Variants in PDE3B observed in about 807,000 individuals in gnomAD.
The protein encoded by PDE3B is phosphodiesterase 3B, also known as cGMP-inhibited 3',5'-cyclic phosphodiesterase 3B.
A neutral mutation model predicts 116.8 loss-of-function variants in PDE3B; 66 were observed. The observed-to-expected ratio is 0.56, with a 90% confidence interval of 0.46 to 0.69. PDE3B has a LOEUF of 0.69. Ranked by LOEUF, PDE3B falls within the 30% of genes least tolerant of loss-of-function variation. The pLI is 0.00. For synonymous variants in PDE3B, 595 were observed against 533.6 expected, an observed-to-expected ratio of 1.12 and a Z score of -1.59; for missense variants, 1,384 against 1,368.1, an observed-to-expected ratio of 1.01 and a Z score of -0.18.
intron 1 of PDE3B, among the ~76,000 whole-genome samples, chr11:14,755,155 G>A (rs1413736665): frequency 1.3e-5 from 2 of 152,190 alleles, no homozygotes; most frequent in Non-Finnish European, 1.5e-5. Context: ...GACAATGAAT[G>A]TTGTTTGAGT....
chr11:14,677,207 T>G (rs376673536), intron 1 of PDE3B, among the ~76,000 whole-genome samples: 25 of 152,310 alleles, frequency 1.6e-4, no homozygotes, highest in East Asian at 1.5e-3. Flanking sequence ...GGCACTTATC[T>G]TGTTGTATTT....
intron 5 of PDE3B, among the ~76,000 whole-genome samples, chr11:14,810,047 A>G (rs1391957836): frequency 6.6e-6 from 1 of 152,200 alleles, no homozygotes; most frequent in Non-Finnish European, 1.5e-5. Flanking sequence ...CAGATTGGCT[A>G]CAATTTAGGT....
chr11:14,744,139 A>G (rs926723246), intron 1 of PDE3B, among the ~76,000 whole-genome samples: 45 of 152,168 alleles, frequency 3.0e-4, no homozygotes, highest in Non-Finnish European at 8.8e-5. Flanking sequence ...ATTGATCTAC[A>G]TGTCTGTCTT....
intron 1 of PDE3B, among the ~76,000 whole-genome samples, chr11:14,695,563 G>T (rs879499162): frequency 2.6e-4 from 39 of 152,006 alleles, no homozygotes; most frequent in Non-Finnish European, 5.3e-4. Context: ...AGGATGTGCA[G>T]GTTACATAGA....
chr11:14,711,666 C>G (rs763804815), intron 1 of PDE3B, among the ~76,000 whole-genome samples: 2 of 152,116 alleles, frequency 1.3e-5, no homozygotes, highest in Non-Finnish European at 2.9e-5. Flanking sequence ...ATGAGGAACC[C>G]GCCCCCATGA....
chr11:14,751,432 G>A (rs957693690), intron 1 of PDE3B, among the ~76,000 whole-genome samples: 1 of 152,062 alleles, frequency 6.6e-6, no homozygotes, highest in African/African-American at 2.4e-5. Context: ...TGGCAAAAAA[G>A]GAAATTGTCA....
chr11:14,859,626 GTTTC>G (rs1847911064), intron 13 of PDE3B, among the ~76,000 whole-genome samples: 1 of 152,122 alleles, frequency 6.6e-6, no homozygotes, highest in Non-Finnish European at 1.5e-5. Flanking sequence ...AACTTTATGT[GTTTC>G]TTAAGAATCC....
intron 1 of PDE3B, among the ~76,000 whole-genome samples, chr11:14,769,145 G>A (rs1857569525): frequency 1.3e-5 from 2 of 151,490 alleles, no homozygotes; most frequent in South Asian, 4.1e-4. Context: ...AGCCAATCTA[G>A]CAAGCACAAG....
chr11:14,682,311 T>G (rs566205617), intron 1 of PDE3B, among the ~76,000 whole-genome samples: 127 of 152,354 alleles, frequency 8.3e-4, no homozygotes, highest in African/African-American at 2.7e-3. Flanking sequence ...TTTGATTTCT[T>G]TCTTTCTAAT....
At chr11:14,820,910 C>T (rs929190753) in intron 7 of PDE3B, among the ~76,000 whole-genome samples, 3 of 152,168 alleles carry the variant, frequency 2.0e-5, no homozygotes, top group Admixed American at 1.3e-4. Flanking sequence ...CCAATTATAG[C>T]AGCCTGAACT....
intron 13 of PDE3B, among the ~76,000 whole-genome samples, chr11:14,859,683 A>G (rs1555006769): frequency 6.6e-6 from 1 of 152,204 alleles, no homozygotes. Context: ...TACCTTCTTT[A>G]TATTAGTGAT....
intron 5 of PDE3B, among the ~76,000 whole-genome samples, chr11:14,805,410 A>G (rs1481043734): frequency 1.3e-5 from 2 of 152,250 alleles, no homozygotes; most frequent in Non-Finnish European, 2.9e-5. Flanking sequence ...TGAAAAATTA[A>G]ATAGGAATAA....
At chr11:14,884,804 CT>C in the PDE3B span, among the ~76,000 whole-genome samples, 1 of 152,134 alleles carries the variant, frequency 6.6e-6, no homozygotes, top group East Asian at 1.9e-4. Flanking sequence ...AAATTTACAG[CT>C]TTGAAAAATA....
intron 1 of PDE3B, among the ~76,000 whole-genome samples, chr11:14,729,428 A>G (rs1043055216): frequency 1.3e-5 from 2 of 152,230 alleles, no homozygotes; most frequent in Admixed American, 1.3e-4. Context: ...GGCTAGTTGC[A>G]GTTTCTCAAA....
chr11:14,833,017 C>T (rs1249116074), intron 10 of PDE3B, among the ~76,000 whole-genome samples, 184 bp downstream of exon 10: 2 of 151,450 alleles, frequency 1.3e-5, no homozygotes, highest in African/African-American at 2.4e-5. Flanking sequence ...ATGGCGCGAT[C>T]TTGGCCCACT....
chr11:14,696,546 C>T (rs779481293), intron 1 of PDE3B, among the ~76,000 whole-genome samples: 39 of 152,036 alleles, frequency 2.6e-4, no homozygotes, highest in Non-Finnish European at 4.7e-4. Context: ...GCTGATGATG[C>T]GCGAGTGCTT....
At chr11:14,756,885 C>G (rs536035833) in intron 1 of PDE3B, among the ~76,000 whole-genome samples, 1 of 150,696 alleles carries the variant, frequency 6.6e-6, no homozygotes, top group Non-Finnish European at 1.5e-5. Context: ...ATGTGCCATG[C>G]TGGTGTGCTG....
intron 13 of PDE3B, among the ~76,000 whole-genome samples, chr11:14,859,903 GA>G (rs1847915991): frequency 6.6e-6 from 1 of 152,114 alleles, no homozygotes; most frequent in Admixed American, 6.6e-5. Context: ...CATTTGAGGT[GA>G]AAAAAGTTGA....
intron 1 of PDE3B, among the ~76,000 whole-genome samples, chr11:14,676,045 G>A (rs1165628680): frequency 6.6e-6 from 1 of 152,108 alleles, no homozygotes; most frequent in South Asian, 2.1e-4. Flanking sequence ...ACTAACATTT[G>A]ATGTTGCCAT....
Sources: allele counts gnomAD v4.1 joint callset (sites outside exome capture counted in the v4.1 genomes callset), GRCh38; gene constraint gnomAD v4.1.1; transcripts MANE v1.5; gene names NCBI Gene and HGNC (gene_info 2026-07-23, HGNC 2026-07-21).